NFIB: variants seen among roughly 807,000 people sequenced by gnomAD.
NFIB encodes the protein nuclear factor 1 B-type.
NFIB carries 11 observed loss-of-function variants against 61.5 expected under a neutral mutation model. The ratio of observed to expected loss-of-function variants is 0.18; its 90% CI spans 0.11 to 0.30. The LOEUF (loss-of-function observed/expected upper bound fraction) is 0.30, where lower values mean the gene tolerates loss of function less well. Among genes scored for constraint, NFIB ranks in the 10% least tolerant of loss-of-function variants. The probability of loss-of-function intolerance (pLI) is 1.00; values close to 1 mark genes in which losing one functional copy is unlikely to be tolerated. For missense variants in NFIB, 471 were observed against 608.9 expected (o/e 0.77, Z 2.38); for synonymous variants, 260 against 216.5 (o/e 1.20, Z -1.76).
At chr9:14,139,023 C>G (rs1010548148) in intron 6 of NFIB, among the ~76,000 whole-genome samples, 5 of 152,120 alleles carry the variant, frequency 3.3e-5, no homozygotes, top group Admixed American at 2.0e-4. Context: ...TTAGGTCTAA[C>G]AGAGTCTTCC....
intron 2 of NFIB, chr9:14,300,277 T>G: frequency 2.5e-6 from 1 of 398,400 alleles, no homozygotes; most frequent in Middle Eastern, 6.3e-4. Context: ...TAACTCAAGT[T>G]TCCGATCGCA....
At chr9:14,106,063 T>G (rs1417145028) in intron 10 of NFIB, among the ~76,000 whole-genome samples, 1 of 152,070 alleles carries the variant, frequency 6.6e-6, no homozygotes, top group African/African-American at 2.4e-5. Flanking sequence ...GTTCAAAGCT[T>G]TAAGAATGCT....
the NFIB span, among the ~76,000 whole-genome samples, chr9:14,515,900 ACAGT>A: frequency 1.3e-5 from 2 of 152,176 alleles, no homozygotes; most frequent in Non-Finnish European, 2.9e-5. Flanking sequence ...TGAATCCCAA[ACAGT>A]CAGGATTCTG....
the NFIB span, among the ~76,000 whole-genome samples, chr9:14,466,594 C>T: frequency 2.6e-5 from 4 of 152,160 alleles, no homozygotes; most frequent in African/African-American, 9.7e-5. Flanking sequence ...GTCTGTCAGC[C>T]TTCCCTCCTG....
intron 1 of NFIB, among the ~76,000 whole-genome samples, chr9:14,354,310 A>G (rs1054180816): frequency 3.9e-5 from 6 of 152,220 alleles, no homozygotes; most frequent in Admixed American, 6.5e-5. Flanking sequence ...AGCCTCCTGC[A>G]AGAAAGCTGC....
intron 1 of NFIB, among the ~76,000 whole-genome samples, chr9:14,355,326 T>C (rs1040049406): frequency 1.3e-4 from 20 of 152,330 alleles, no homozygotes; most frequent in African/African-American, 4.6e-4. Context: ...GGTAGCCATC[T>C]ACAAAGAAAG....
the NFIB span, among the ~76,000 whole-genome samples, chr9:14,447,528 TCAGA>T: frequency 2.0e-5 from 3 of 152,214 alleles, no homozygotes; most frequent in African/African-American, 4.8e-5. Context: ...GCTGTAAATC[TCAGA>T]CAAACTGTGG....
intron 2 of NFIB, among the ~76,000 whole-genome samples, chr9:14,189,449 C>A (rs893918889): frequency 6.6e-6 from 1 of 152,056 alleles, no homozygotes; most frequent in African/African-American, 2.4e-5. Flanking sequence ...AGAGTTTAGT[C>A]TTAGTTGTTT....
intron 5 of NFIB, 51 bp downstream of exon 5, chr9:14,150,094 C>T (rs1038876260): frequency 2.7e-5 from 43 of 1,609,008 alleles, no homozygotes; most frequent in Admixed American, 5.0e-5. Context: ...CATCCACCTA[C>T]GAACCTATGT....
At chr9:14,190,619 AT>A in intron 2 of NFIB, among the ~76,000 whole-genome samples, 1 of 152,342 alleles carries the variant, frequency 6.6e-6, no homozygotes, top group Admixed American at 6.5e-5. Flanking sequence ...TTGAAAAGGG[AT>A]AAAATGAGGA....
intron 8 of NFIB, among the ~76,000 whole-genome samples, chr9:14,118,392 A>G (rs2038443914): frequency 6.6e-6 from 1 of 152,102 alleles, no homozygotes; most frequent in South Asian, 2.1e-4. Context: ...ATATTATCCT[A>G]CCCTGACCAT....
intron 2 of NFIB, among the ~76,000 whole-genome samples, chr9:14,294,144 G>A (rs1207808571): frequency 6.6e-6 from 1 of 152,174 alleles, no homozygotes; most frequent in Non-Finnish European, 1.5e-5. Flanking sequence ...TGTTCCAAAA[G>A]GGATTAATGT....
At chr9:14,167,175 G>C (rs1212649746) in intron 3 of NFIB, among the ~76,000 whole-genome samples, 1 of 151,948 alleles carries the variant, frequency 6.6e-6, no homozygotes, top group Non-Finnish European at 1.5e-5. Flanking sequence ...TGAAGATGAG[G>C]GTAGACGAAA....
At chr9:14,496,794 C>G in the NFIB span, among the ~76,000 whole-genome samples, 1 of 152,228 alleles carries the variant, frequency 6.6e-6, no homozygotes. Context: ...CCAATAAACA[C>G]TGGCATGGAC....
chr9:14,250,506 T>C (rs998778974), intron 2 of NFIB, among the ~76,000 whole-genome samples: 2 of 152,202 alleles, frequency 1.3e-5, no homozygotes, highest in Non-Finnish European at 2.9e-5. Context: ...TGATACATCA[T>C]TGGCTACTAC....
At chr9:14,429,623 A>T in the NFIB span, among the ~76,000 whole-genome samples, 1 of 152,188 alleles carries the variant, frequency 6.6e-6, no homozygotes, top group Non-Finnish European at 1.5e-5. Context: ...CAATTCTCGG[A>T]TCCTGTGGAT....
chr9:14,255,230 G>GA (rs773186009), intron 2 of NFIB, among the ~76,000 whole-genome samples: 13 of 152,056 alleles, frequency 8.5e-5, no homozygotes, highest in Middle Eastern at 3.4e-3. Flanking sequence ...CTCAAAAAAA[G>GA]AAAGAAAGAA....
intron 3 of NFIB, among the ~76,000 whole-genome samples, chr9:14,163,805 C>T (rs2044466492): frequency 6.6e-6 from 1 of 151,778 alleles, no homozygotes; most frequent in Admixed American, 6.6e-5. Flanking sequence ...ATGTTTTTGA[C>T]CAAAGAGGCA....
At chr9:14,410,732 C>T in the NFIB span, among the ~76,000 whole-genome samples, 407 of 152,234 alleles carry the variant, frequency 2.7e-3, 2 homozygotes, top group African/African-American at 8.2e-3. Flanking sequence ...AGTTTTGACA[C>T]GAAACAACTC....
Sources: allele counts gnomAD v4.1 joint callset (sites outside exome capture counted in the v4.1 genomes callset), GRCh38; gene constraint gnomAD v4.1.1; transcripts MANE v1.5; gene names NCBI Gene and HGNC (gene_info 2026-07-23, HGNC 2026-07-21).